Variants in VPS13B observed in about 807,000 individuals in gnomAD.
The protein encoded by VPS13B is intermembrane lipid transfer protein VPS13B.
In VPS13B, 285 loss-of-function variants were observed where a neutral mutation model predicts 426.4. The observed-to-expected ratio is 0.67, with a 90% CI of 0.61 to 0.74. VPS13B has a LOEUF of 0.74. Among genes scored for constraint, VPS13B ranks in the 30% least tolerant of loss-of-function variants. The pLI is 0.00. For missense variants in VPS13B, 4,537 were observed against 4,782.6 expected (o/e 0.95, Z 1.51); for synonymous variants, 1,676 against 1,676.4 (o/e 1.00, Z 0.01).
chr8:99,332,733 T>A (rs1198354874), intron 19 of VPS13B, among the ~76,000 whole-genome samples: 1 of 151,670 alleles, frequency 6.6e-6, no homozygotes, highest in Non-Finnish European at 1.5e-5. Context: ...CTAATAAAAT[T>A]TCTTCTGAAT....
intron 3 of VPS13B, among the ~76,000 whole-genome samples, chr8:99,045,992 T>G (rs1843225040): frequency 6.6e-6 from 1 of 152,188 alleles, no homozygotes; most frequent in African/African-American, 2.4e-5. Context: ...TACCTCCAGA[T>G]TTTTTCTTTT....
intron 39 of VPS13B, among the ~76,000 whole-genome samples, chr8:99,730,056 A>G (rs1342341584): frequency 2.0e-5 from 3 of 152,182 alleles, no homozygotes; most frequent in Non-Finnish European, 4.4e-5. Context: ...AATAAAAGGA[A>G]GTGTTCTTGG....
chr8:99,223,306 T>C (rs1815832920), intron 17 of VPS13B, among the ~76,000 whole-genome samples: 1 of 152,068 alleles, frequency 6.6e-6, no homozygotes, highest in Non-Finnish European at 1.5e-5. Context: ...ATAATCTAAA[T>C]ATAGTAAAAT....
intron 50 of VPS13B, among the ~76,000 whole-genome samples, chr8:99,822,420 C>T (rs911428409): frequency 2.4e-4 from 36 of 152,330 alleles, no homozygotes; most frequent in Admixed American, 1.9e-3. Context: ...CATGTTTATG[C>T]TCTGACGGCC....
At position 99,582,652 on chromosome 8, in the gene VPS13B, TTTTTTTC is replaced by T. The variant is rs560421936; in HGVS notation, c.5220+5033_5220+5039del. Among the ~76,000 whole-genome samples the T allele has an allele frequency of 1.7e-3, 263 of 152,266 alleles. 3 individuals are homozygous for T. Among genetic ancestry groups the T allele is most frequent in the Admixed American group, 0.015 (237 of 15,298 alleles). On this transcript the variant is annotated intron_variant, in intron 33 of 61. Transcript: ENST00000357162. ...GAAGTTACTCATTGCCACATTTTCT[TTTTTTTC>T]TTTTTTCTTTTTTTGAGATGGAGTC...
chr8:99,740,755 A>G (rs200150434), intron 39 of VPS13B, among the ~76,000 whole-genome samples: 2 of 152,152 alleles, frequency 1.3e-5, no homozygotes, highest in African/African-American at 2.4e-5. Context: ...ATAGAATACT[A>G]TACAGACAAG....
At chr8:99,093,318 G>T (rs1045492363) in intron 3 of VPS13B, among the ~76,000 whole-genome samples, 2 of 151,752 alleles carry the variant, frequency 1.3e-5, no homozygotes, top group East Asian at 3.9e-4. Context: ...TGCATACTCT[G>T]GGAGTCTATG....
At chr8:99,175,712 A>C (rs998724631) in intron 16 of VPS13B, among the ~76,000 whole-genome samples, 10 of 152,178 alleles carry the variant, frequency 6.6e-5, no homozygotes, top group Admixed American at 6.5e-4. Flanking sequence ...AGCCATGATC[A>C]TGCCACTGCT....
intron 23 of VPS13B, among the ~76,000 whole-genome samples, chr8:99,456,529 G>C (rs936916148): frequency 2.6e-5 from 4 of 152,004 alleles, no homozygotes; most frequent in African/African-American, 9.7e-5. Context: ...ATAGTTTTTT[G>C]AATATATTGA....
chr8:99,600,108 C>A (rs1473293647), intron 33 of VPS13B, among the ~76,000 whole-genome samples: 1 of 152,148 alleles, frequency 6.6e-6, no homozygotes, highest in Non-Finnish European at 1.5e-5. Context: ...ATTACTTAGG[C>A]AACTACCCAG....
chr8:99,412,630 G>A (rs1420647508), intron 21 of VPS13B, among the ~76,000 whole-genome samples: 2 of 152,108 alleles, frequency 1.3e-5, no homozygotes, highest in East Asian at 3.9e-4. Context: ...GGTAAGAGTG[G>A]GCATCCTTGT....
intron 21 of VPS13B, among the ~76,000 whole-genome samples, chr8:99,427,445 G>T (rs1173372346): frequency 6.6e-6 from 1 of 150,430 alleles, no homozygotes; most frequent in East Asian, 2.0e-4. Context: ...TTCCAATTCT[G>T]TGAAGAAAGT....
chr8:99,295,814 C>T lies in VPS13B; in HGVS notation c.2824+20560C>T, dbSNP rs1486610439. 3.3e-5 allele frequency among the ~76,000 whole-genome samples: 5 copies of T among 152,012 alleles called. No individual in the cohort carries two copies. The East Asian group carries it at 9.6e-4, about 29-fold the overall frequency. On this transcript the variant is annotated intron_variant, in intron 19 of 61. Transcript: ENST00000357162. ...AGGGGAGGTATAAGGATTGCTTGAG[C>T]CCAGGAATTTGAGGCCAACCTAAAC...
At chr8:99,232,253 G>A (rs7826945) in intron 17 of VPS13B, among the ~76,000 whole-genome samples, 125,608 of 152,066 alleles carry the variant, frequency 0.83, 52,402 homozygotes, top group South Asian at 0.89. Flanking sequence ...AGCAGTATGC[G>A]AAAAACCAGT....
intron 33 of VPS13B, among the ~76,000 whole-genome samples, chr8:99,636,693 A>G (rs1829084876): frequency 6.6e-6 from 1 of 152,058 alleles, no homozygotes; most frequent in Non-Finnish European, 1.5e-5. Flanking sequence ...TTAGAATAGG[A>G]AGTATCTAAT....
chr8:99,861,719 C>T (rs1816843438), intron 57 of VPS13B, 57 bp from the exon 58 acceptor site: 1 of 1,556,472 alleles, frequency 6.4e-7, no homozygotes, highest in Non-Finnish European at 8.7e-7. Flanking sequence ...AAACTACTGC[C>T]TTGGGGTCCA....
At chr8:99,495,617 GCTGCCT>G (rs1426627979) in intron 25 of VPS13B, among the ~76,000 whole-genome samples, 4 of 152,302 alleles carry the variant, frequency 2.6e-5, no homozygotes, top group African/African-American at 9.6e-5. Context: ...GACTTCAGCA[GCTGCCT>G]CTAGCCTGGG....
intron 35 of VPS13B, among the ~76,000 whole-genome samples, chr8:99,669,245 A>T (rs1385326030): frequency 6.6e-6 from 1 of 150,502 alleles, no homozygotes; most frequent in East Asian, 2.0e-4. Context: ...TAACCATAGG[A>T]TTCCTTAACT....
At chr8:99,120,074 G>T (rs1436389263) in intron 7 of VPS13B, 2 of 152,120 alleles carry the variant, frequency 1.3e-5, no homozygotes, top group Non-Finnish European at 2.9e-5. Flanking sequence ...TGTATTTTTA[G>T]TAGGGACAGG....
Sources: gnomAD v4.1 joint callset for allele counts (sites outside exome capture counted in the v4.1 genomes callset) on GRCh38, gnomAD v4.1.1 for gene constraint, MANE v1.5 for transcripts, NCBI Gene and HGNC (gene_info 2026-07-23, HGNC 2026-07-21) for gene names.